The following CCSAP variants were observed in gnomAD, a reference collection of about 807,000 sequenced individuals.
The protein encoded by CCSAP is centriole, cilia and spindle-associated protein.
A neutral mutation model predicts 25.9 loss-of-function variants in CCSAP; 17 were observed. That is an observed-to-expected ratio of 0.66 (90% confidence interval 0.45 to 0.99). The LOEUF is 0.99. Ranked by LOEUF, CCSAP falls within the 50% of genes least tolerant of loss-of-function variation. CCSAP has a pLI of 0.00. For synonymous variants in CCSAP, 169 were observed against 157.1 expected (o/e 1.08, Z -0.57); for missense variants, 339 against 367.8 (o/e 0.92, Z 0.64).
rs544635066 is a variant in CCSAP, at chr1:229,330,472, G to C, written c.368-3466C>G. ...TGCACAGGCAAAGAAAGGAGAACCC[G>C]AGATGGGAGCAGAGGAAGGGTAGCA... On this transcript the variant is annotated intron_variant, in intron 2 of 3. Transcript: ENST00000284617. Among the ~76,000 whole-genome samples, 3 of 152,340 alleles carry C rather than the reference G, an allele frequency of 2.0e-5. No individual in the cohort carries two copies. In the South Asian group the frequency reaches 6.2e-4, roughly 32 times the overall value.
intron 2 of CCSAP, among the ~76,000 whole-genome samples, chr1:229,338,538 AACACACACAC>A (rs55718200): frequency 7.0e-5 from 10 of 141,906 alleles, no homozygotes; most frequent in Admixed American, 2.1e-4. Context: ...CCCAAACCCC[AACACACACAC>A]ACACACACAC....
Position 229,342,089 on chromosome 1 carries a change from G to T in CCSAP, c.367+10C>A. On this transcript the variant is annotated intron_variant, in intron 2 of 3. Transcript: ENST00000284617. This position sits in a 1 kb window ranked among gnomAD's most constrained non-coding sequence, Gnocchi z 7.5. ...TGCAGGCCCCTCGCGCTCCCCTCCG[G>T]GCCGGGTACCTGGCAGAGCCGCGTC... The T allele has an allele frequency of 7.5e-7, 1 of 1,336,840 alleles. No individual in the cohort carries two copies. Among genetic ancestry groups the T allele is most frequent in the East Asian group, 2.9e-5 (1 of 34,536 alleles). 82.8% of individuals were successfully genotyped at this position (1,336,840 alleles called of 1,614,324 possible).
At chr1:229,325,442 C>G in intron 3 of CCSAP, 31 bp from the exon 4 acceptor site, 1 of 1,594,128 alleles carries the variant, frequency 6.3e-7, no homozygotes, top group South Asian at 1.1e-5. Flanking sequence ...AGGATAGTAA[C>G]TTAAGGGGCT....
chr1:229,331,170 T>A (rs1206183089), intron 2 of CCSAP, among the ~76,000 whole-genome samples: 1 of 152,108 alleles, frequency 6.6e-6, no homozygotes, highest in Non-Finnish European at 1.5e-5. Context: ...CCTCAAATTA[T>A]TCCTAGAAAT....
chr1:229,339,375 C>A (rs1172593408), intron 2 of CCSAP, among the ~76,000 whole-genome samples: 1 of 152,146 alleles, frequency 6.6e-6, no homozygotes. Flanking sequence ...AGAGTTTCTA[C>A]GGACAACTGT....
chr1:229,336,693 T>C (rs1255436599), intron 2 of CCSAP, among the ~76,000 whole-genome samples: 1 of 152,162 alleles, frequency 6.6e-6, no homozygotes, highest in Non-Finnish European at 1.5e-5. Flanking sequence ...TCTGAGTACA[T>C]CCTCTATTAG....
chr1:229,342,393 GC>G lies in CCSAP; in HGVS notation c.72del (p.Pro25ArgfsTer11). 1 of 1,491,182 alleles carries G rather than the reference GC, an allele frequency of 6.7e-7. No homozygotes were observed. Among genetic ancestry groups the G allele is most frequent in the Non-Finnish European group, 8.9e-7 (1 of 1,117,792 alleles). 92.4% of individuals were successfully genotyped at this position (1,491,182 alleles called of 1,614,324 possible). A position where few individuals can be genotyped will look rare whatever the true frequency, so the allele number is the denominator to read the frequency against. On this transcript the variant is annotated frameshift_variant, in exon 2 of 4. Coordinates refer to ENST00000284617, the MANE Select transcript of CCSAP (RefSeq NM_145257.5). LOFTEE classifies it high-confidence loss of function. This position sits in a 1 kb window ranked among gnomAD's most constrained non-coding sequence, Gnocchi z 7.5. ...RYQEPRWEEY[G>X]PCYRELLHYR... ...TAGTGCAGCAGCTCGCGGTAGCACGGCCCGTACTCCTCCCAGCGCGGCTCCT... is the reference window on the plus strand; with the variant it reads ...TAGTGCAGCAGCTCGCGGTAGCACGGCCGTACTCCTCCCAGCGCGGCTCCT...
chr1:229,330,296 G>T (rs992342642), intron 2 of CCSAP, among the ~76,000 whole-genome samples: 3 of 152,188 alleles, frequency 2.0e-5, no homozygotes, highest in African/African-American at 7.2e-5. Context: ...AGACACTCCT[G>T]GTCCCGGCAG....
At chr1:229,341,669 A>C (rs1658337118) in intron 2 of CCSAP, among the ~76,000 whole-genome samples, 1 of 152,220 alleles carries the variant, frequency 6.6e-6, no homozygotes. Flanking sequence ...TTCATCAGAC[A>C]AAGCTTAGCT....
rs1241073007 is a variant in CCSAP, at chr1:229,321,705, A to G, written c.*3530T>C. 6.6e-6 allele frequency: 1 copy of G among 152,156 alleles called. No individual in the cohort carries two copies. Among genetic ancestry groups the G allele is most frequent in the African/African-American group, 2.4e-5 (1 of 41,430 alleles). The allele number at this position is 152,156 out of a possible 1,614,324, so 9.4% of individuals were successfully genotyped here. On this transcript the variant is annotated 3_prime_UTR_variant, in exon 4 of 4. Coordinates refer to ENST00000284617, the MANE Select transcript of CCSAP (RefSeq NM_145257.5). ...TTTTTACCAAAGCAGTCAACAAGAA[A>G]AATTGTTTTACTTCTGATATATGCT...
At chr1:229,329,719 G>C (rs237809) in intron 2 of CCSAP, among the ~76,000 whole-genome samples, 37,488 of 152,072 alleles carry the variant, frequency 0.25, 5,314 homozygotes, top group African/African-American at 0.39. Context: ...AGCCAGGTAC[G>C]GTGGCTCAAC....
chr1:229,342,467 G>A lies in CCSAP; in HGVS notation c.-2C>T. 7.4e-7 allele frequency: 1 copy of A among 1,343,954 alleles called. No homozygotes were observed. Among genetic ancestry groups the A allele is most frequent in the Admixed American group, 3.0e-5 (1 of 33,784 alleles). 83.3% of individuals were successfully genotyped at this position (1,343,954 alleles called of 1,614,324 possible). The stretch of plus-strand genomic sequence containing the variant: ...CTTCACCCCGCTCCCCGGGGACATG[G>A]TGCCGTCCGCCGCCTCGAGCGCCAG... On this transcript the variant is annotated 5_prime_UTR_variant, in exon 2 of 4. Transcript: ENST00000284617. The surrounding 1 kb of genome is among the most constrained non-coding windows in gnomAD (Gnocchi z 7.5).
intron 2 of CCSAP, among the ~76,000 whole-genome samples, chr1:229,332,531 T>C (rs1442845983): frequency 2.6e-5 from 4 of 152,116 alleles, no homozygotes; most frequent in South Asian, 4.1e-4. Flanking sequence ...TTTGAAAAAA[T>C]AGTTTAAAAT....
rs1657911632 is a variant in CCSAP at position 229,325,202 on chromosome 1, T to G, written c.*33A>C. The G allele has an allele frequency of 6.5e-7, 1 of 1,546,980 alleles. No individual in the cohort carries two copies. Among genetic ancestry groups the G allele is most frequent in the Non-Finnish European group, 8.7e-7 (1 of 1,151,592 alleles). ...TGTTTTTCCTTTCAGTCATTTACAC[T>G]TTTTAAAAGAGGCTGTCCACGCAAG... On this transcript the variant is annotated 3_prime_UTR_variant, in exon 4 of 4. Transcript: ENST00000284617.
intron 2 of CCSAP, among the ~76,000 whole-genome samples, chr1:229,338,568 C>CACAG (rs1553305252): frequency 6.6e-6 from 1 of 150,790 alleles, no homozygotes; most frequent in Non-Finnish European, 1.5e-5. Context: ...CACACACACA[C>CACAG]ACACACAGAA....
chr1:229,334,109 C>T (rs1658142847), intron 2 of CCSAP, among the ~76,000 whole-genome samples: 1 of 152,040 alleles, frequency 6.6e-6, no homozygotes, highest in African/African-American at 2.4e-5. Context: ...CTCACTCTGT[C>T]ACCCAGGCTG....
rs114608258 is a variant in CCSAP at position 229,334,853 on chromosome 1, A to G, written c.367+7246T>C. 4.8e-3 allele frequency among the ~76,000 whole-genome samples: 729 copies of G among 152,362 alleles called. 9 individuals are homozygous for G. Among genetic ancestry groups the G allele is most frequent in the African/African-American group, 0.017 (696 of 41,588 alleles). On this transcript the variant is annotated intron_variant, in intron 2 of 3. Coordinates refer to ENST00000284617, the MANE Select transcript of CCSAP (RefSeq NM_145257.5). ...AGGAAGGAAAAAAAGGTATAAAGCCACAAGGACAGAGAGCAAGGGAGGTGA... is the reference window on the plus strand; with the variant it reads ...AGGAAGGAAAAAAAGGTATAAAGCCGCAAGGACAGAGAGCAAGGGAGGTGA...
At chr1:229,330,927 C>T (rs933892128) in intron 2 of CCSAP, among the ~76,000 whole-genome samples, 5 of 151,878 alleles carry the variant, frequency 3.3e-5, no homozygotes, top group South Asian at 2.1e-4. Context: ...CTTGGCAGCT[C>T]GGTGGTCACT....
At position 229,322,263 on chromosome 1, in the gene CCSAP, A is replaced by G. The variant is rs965001706; in HGVS notation, c.*2972T>C. 4 of 152,254 alleles carry G rather than the reference A, an allele frequency of 2.6e-5. No individual in the cohort carries two copies. Among genetic ancestry groups the G allele is most frequent in the Non-Finnish European group, 4.4e-5 (3 of 68,044 alleles). The allele number at this position is 152,254 out of a possible 1,614,324, so 9.4% of individuals were successfully genotyped here. ...TATCTTCTGGAAGTTATGGCTTCCA[A>G]TAACAGCCATCTTGCTTGCTCTCGT... is the stretch of plus-strand genomic sequence containing the variant. On this transcript the variant is annotated 3_prime_UTR_variant, in exon 4 of 4. Transcript: ENST00000284617.
Sources: allele counts gnomAD v4.1 joint callset (sites outside exome capture counted in the v4.1 genomes callset), GRCh38; gene constraint gnomAD v4.1.1; non-coding constraint Gnocchi (gnomAD v3.1); transcripts MANE v1.5; gene names NCBI Gene and HGNC (gene_info 2026-07-23, HGNC 2026-07-21).